DGKH: variants seen among roughly 807,000 people sequenced by gnomAD.
DGKH encodes DAG kinase eta.
Under a neutral mutation model 159.3 loss-of-function variants are expected in DGKH, and 90 were observed. The ratio of observed to expected loss-of-function variants is 0.57; its 90% CI spans 0.48 to 0.67. DGKH has a LOEUF of 0.67. Among genes scored for constraint, DGKH ranks in the 30% least tolerant of loss-of-function variants. DGKH has a pLI of 0.00. For synonymous variants in DGKH, 536 were observed against 553.8 expected, an observed-to-expected ratio of 0.97 and a Z score of 0.45; for missense variants, 1,181 against 1,506.1, an observed-to-expected ratio of 0.78 and a Z score of 3.57.
In DGKH at chr13:42,236,763, TGTG is replaced by T. The variant is rs1958420975; in HGVS notation, c.*7583_*7585del. 6.6e-6 allele frequency: 1 copy of T among 151,904 alleles called. No individual in the cohort carries two copies. Among genetic ancestry groups the T allele is most frequent in the African/African-American group, 2.4e-5 (1 of 41,300 alleles). The allele number at this position is 151,904 out of a possible 1,614,324, so 9.4% of individuals were successfully genotyped here. ...CAACTTAATACAAAAATTAGCCAGGTGTGGTGGTGGGTGCCTGTAATCCCAGCT... is the reference window on the plus strand; with the variant it reads ...CAACTTAATACAAAAATTAGCCAGGTGTGGTGGGTGCCTGTAATCCCAGCT... On this transcript the variant is annotated 3_prime_UTR_variant, in exon 30 of 30. Transcript: ENST00000337343.
chr13:42,165,490 T>C, intron 8 of DGKH, 57 bp downstream of exon 8: 1 of 939,356 alleles, frequency 1.1e-6, no homozygotes, highest in Non-Finnish European at 1.5e-6. Context: ...TTGATATGTA[T>C]ATTTCTTTTC....
rs566496516 is a variant in DGKH, at chr13:42,163,312, G to T, written c.856-2019G>T. ...AGTCTTTGCTTTTGTGAATAGTGCC[G>T]CAATAAACATACGTGTGCATGTGTC... On this transcript the variant is annotated intron_variant, in intron 7 of 29. Transcript: ENST00000337343. 4.9e-4 allele frequency among the ~76,000 whole-genome samples: 74 copies of T among 151,822 alleles called. 1 individual carries two copies. The highest frequency in any genetic ancestry group is 6.8e-4 in the Non-Finnish European group (46 of 67,968).
At position 42,159,329 on chromosome 13, in the gene DGKH, C is replaced by T. The variant is rs139117984; in HGVS notation, c.686C>T (p.Thr229Ile). 266 of 1,497,420 alleles carry T rather than the reference C, an allele frequency of 1.8e-4. No individual in the cohort carries two copies. Among genetic ancestry groups the T allele is most frequent in the Admixed American group, 8.0e-4 (42 of 52,430 alleles). 92.8% of individuals were successfully genotyped at this position (1,497,420 alleles called of 1,614,324 possible). A position where few individuals can be genotyped will look rare whatever the true frequency, so the allele number is the denominator to read the frequency against. The change falls in exon 6 of 30, where the codon ACC becomes ATC. Residue 229 changes from threonine (T) to isoleucine (I), a missense_variant. Transcript: ENST00000337343. ...VRATNNCKWT[T>I]LASIGKDIIE... ...GCAACAAATAACTGTAAATGGACTA[C>T]CCTGGCCTCCATCGGGAAGGACATT...
At chr13:42,100,136 ACCTGAGCTCCGCCT>A (rs1480165294) in intron 1 of DGKH, among the ~76,000 whole-genome samples, 1 of 152,100 alleles carries the variant, frequency 6.6e-6, no homozygotes, top group Admixed American at 6.5e-5. Flanking sequence ...TGGCATTACC[ACCTGAGCTCCGCCT>A]CCTGTCAGAT....
chr13:42,186,703 T>C (rs1453315338), intron 13 of DGKH, among the ~76,000 whole-genome samples: 1 of 152,242 alleles, frequency 6.6e-6, no homozygotes, highest in African/African-American at 2.4e-5. Context: ...ATTTCTGTTA[T>C]GAAAATATGT....
Position 42,048,844 on chromosome 13 carries a change from C to T in DGKH, c.71C>T (p.Ala24Val). ...GGAGCGGCCGCCGGAGCCGGCGCCGCGGTCACCTCCGCCGCTGCCTCGGCG... is the reference window on the plus strand; with the variant it reads ...GGAGCGGCCGCCGGAGCCGGCGCCGTGGTCACCTCCGCCGCTGCCTCGGCG... The part of the protein sequence containing the change: ...AGGAAAGAGA[A>V]VTSAAASAGP... The change falls in exon 1 of 30, where the codon GCG (alanine) becomes GTG (valine). Residue 24 changes from alanine to valine, a missense_variant. Coordinates refer to ENST00000337343, the MANE Select transcript of DGKH (RefSeq NM_178009.5). The surrounding 1 kb of genome is among the most constrained non-coding windows in gnomAD (Gnocchi z 6.7). The T allele has an allele frequency of 7.4e-7, 1 of 1,358,200 alleles. No individual in the cohort carries two copies. Among genetic ancestry groups the T allele is most frequent in the Non-Finnish European group, 9.5e-7 (1 of 1,052,720 alleles). The allele number at this position is 1,358,200 out of a possible 1,614,324, so 84.1% of individuals were successfully genotyped here.
In DGKH at chr13:42,102,545, C is replaced by T. The variant is rs571069350; in HGVS notation, c.193-24918C>T. The stretch of plus-strand genomic sequence containing the variant: ...GGGAGCTGCAGAAGGCTCCTTCCAG[C>T]AGGAAAACCTCTGCAGAATGAATGA... On this transcript the variant is annotated intron_variant, in intron 1 of 29. Coordinates refer to ENST00000337343, the MANE Select transcript of DGKH (RefSeq NM_178009.5). Among the ~76,000 whole-genome samples the T allele has an allele frequency of 3.9e-5, 6 of 152,334 alleles. No individual in the cohort carries two copies. In the South Asian group the frequency reaches 1.2e-3, roughly 32 times the overall value.
At position 42,237,025 on chromosome 13, in the gene DGKH, ATTGT is replaced by A. The variant is rs750471091; in HGVS notation, c.*7844_*7847del. On this transcript the variant is annotated 3_prime_UTR_variant, in exon 30 of 30. Transcript: ENST00000337343. ...TCTGGGATAGTAACCGTTATGGATA[ATTGT>A]TTGTTTCTGTCAAGTCGGTGAGATT... 6 of 152,202 alleles carry A rather than the reference ATTGT, an allele frequency of 3.9e-5. No homozygotes were observed. Among genetic ancestry groups the A allele is most frequent in the African/African-American group, 7.2e-5 (3 of 41,442 alleles). 9.4% of individuals were successfully genotyped at this position (152,202 alleles called of 1,614,324 possible).
chr13:42,063,586 A>G (rs913510156), intron 1 of DGKH, among the ~76,000 whole-genome samples: 1 of 152,170 alleles, frequency 6.6e-6, no homozygotes, highest in Non-Finnish European at 1.5e-5. Context: ...GTGGCTGGAG[A>G]GGGATGCTGG....
intron 29 of DGKH, among the ~76,000 whole-genome samples, chr13:42,250,073 C>T (rs546512823): frequency 8.2e-4 from 125 of 151,800 alleles, no homozygotes; most frequent in African/African-American, 2.9e-3. Flanking sequence ...CGGGTTCAAG[C>T]GATTCTCCTG....
chr13:42,080,826 G>A (rs1048889508), intron 1 of DGKH, among the ~76,000 whole-genome samples: 3 of 151,554 alleles, frequency 2.0e-5, no homozygotes, highest in African/African-American at 4.9e-5. Context: ...TTATTTATCC[G>A]AGTTTTATAT....
At chr13:42,041,998 C>T (rs1880540618) in intron 1 of DGKH, among the ~76,000 whole-genome samples, 1 of 152,156 alleles carries the variant, frequency 6.6e-6, no homozygotes, top group African/African-American at 2.4e-5. Context: ...AGCTCCTTTG[C>T]CCAGAGTACC....
intron 16 of DGKH, among the ~76,000 whole-genome samples, chr13:42,190,864 G>A (rs567452722): frequency 1.4e-4 from 22 of 152,302 alleles, no homozygotes; most frequent in African/African-American, 5.3e-4. Flanking sequence ...ATAGCTCACA[G>A]ATTTCTTTGA....
chr13:42,178,909 T>C (rs1956674343), intron 13 of DGKH, among the ~76,000 whole-genome samples: 1 of 152,126 alleles, frequency 6.6e-6, no homozygotes, highest in African/African-American at 2.4e-5. Context: ...GTTACTGTTA[T>C]GCAGGAAGAG....
Position 42,241,662 on chromosome 13 carries a change from A to C in DGKH, c.*12474A>C, listed in dbSNP as rs1013366163. The C allele has an allele frequency of 1.3e-5, 2 of 152,196 alleles. No individual in the cohort carries two copies. Among genetic ancestry groups the C allele is most frequent in the African/African-American group, 4.8e-5 (2 of 41,440 alleles). 9.4% of individuals were successfully genotyped at this position (152,196 alleles called of 1,614,324 possible). On this transcript the variant is annotated 3_prime_UTR_variant, in exon 30 of 30. Transcript: ENST00000337343. ...AACCCACAGTAGAAGGGAAAAAGTA[A>C]TGCTTTCTGGTATACTTCAGAGGCT... is the stretch of plus-strand genomic sequence containing the variant.
downstream of DGKH, among the ~76,000 whole-genome samples, chr13:42,245,385 T>C (rs1958572856): frequency 6.6e-6 from 1 of 152,218 alleles, no homozygotes. Context: ...ATTTGTTGAA[T>C]AAATCAGAAG....
rs562197951 is a variant in DGKH, at chr13:42,130,364, A to AT, written c.384+739dup. Among the ~76,000 whole-genome samples the AT allele has an allele frequency of 2.0e-3, 300 of 152,062 alleles. 1 individual carries two copies. The highest frequency in any genetic ancestry group is 3.5e-3 in the Non-Finnish European group (239 of 67,974). On this transcript the variant is annotated intron_variant, in intron 3 of 29. Transcript: ENST00000337343. ...CTTCAAAGCTTATTTCAGATAACCCATTTTTTTCCAGCTTCTTTCATTCAC... is the reference window on the plus strand; with the variant it reads ...CTTCAAAGCTTATTTCAGATAACCCATTTTTTTTCCAGCTTCTTTCATTCAC...
chr13:42,078,481 C>G (rs1282978466), intron 1 of DGKH, among the ~76,000 whole-genome samples: 1 of 152,134 alleles, frequency 6.6e-6, no homozygotes. Flanking sequence ...AAAAGATGGC[C>G]TTTACTTCAC....
At chr13:42,079,623 C>G (rs1008773066) in intron 1 of DGKH, among the ~76,000 whole-genome samples, 1 of 152,150 alleles carries the variant, frequency 6.6e-6, no homozygotes, top group Non-Finnish European at 1.5e-5. Flanking sequence ...GCTCCCTTGA[C>G]CTACTAGGAA....
Sources: gnomAD v4.1 joint callset for allele counts (sites outside exome capture counted in the v4.1 genomes callset) on GRCh38, gnomAD v4.1.1 for gene constraint, Gnocchi (gnomAD v3.1) non-coding constraint, MANE v1.5 for transcripts, NCBI Gene and HGNC (gene_info 2026-07-23, HGNC 2026-07-21) for gene names.